Variants in GRIN2D observed in about 807,000 individuals in gnomAD.
GRIN2D encodes glutamate ionotropic receptor NMDA type subunit 2D, also known as glutamate receptor ionotropic, NMDA 2D.
A neutral mutation model predicts 103.2 loss-of-function variants in GRIN2D; 37 were observed. The observed-to-expected ratio is 0.36, with a 90% CI of 0.28 to 0.47. The LOEUF is 0.47. Among genes scored for constraint, GRIN2D ranks in the 20% least tolerant of loss-of-function variants. GRIN2D has a pLI of 1.00. For missense variants in GRIN2D, 1,557 were observed against 1,910.6 expected (o/e 0.81, Z 3.45); for synonymous variants, 845 against 885.6 (o/e 0.95, Z 0.81).
intron 4 of GRIN2D, among the ~76,000 whole-genome samples, chr19:48,409,933 C>T (rs767054106): frequency 1.5e-4 from 23 of 151,018 alleles, no homozygotes; most frequent in African/African-American, 5.4e-4. Context: ...TACAGGTGCC[C>T]GCCACCATGC....
At chr19:48,411,563 C>G (rs1296245654) in intron 4 of GRIN2D, among the ~76,000 whole-genome samples, 1 of 151,738 alleles carries the variant, frequency 6.6e-6, no homozygotes, top group African/African-American at 2.4e-5. Context: ...GCAGGAGAAT[C>G]GCTTGGACCT....
At chr19:48,399,864 C>T (rs975734186) in intron 3 of GRIN2D, among the ~76,000 whole-genome samples, 2 of 19,582 alleles carry the variant, frequency 1.0e-4, no homozygotes, top group African/African-American at 2.1e-4. Flanking sequence ...GAAAAGGGGG[C>T]GGGGCTAGCC....
In GRIN2D at chr19:48,421,465, A is replaced by G. The variant is rs1196094004; in HGVS notation, c.2092-320A>G. ...GTGAACTATTTCTGAACGGATTGGT[A>G]AATAGCAACAGCTCCCAGCTCCTGC... On this transcript the variant is annotated intron_variant, in intron 10 of 13. Transcript: ENST00000263269. This position sits in a 1 kb window ranked among gnomAD's most constrained non-coding sequence, Gnocchi z 4.8. Among the ~76,000 whole-genome samples the G allele has an allele frequency of 6.6e-6, 1 of 151,810 alleles. No individual in the cohort carries two copies. The highest frequency in any genetic ancestry group is 2.4e-5 in the African/African-American group (1 of 41,268).
intron 3 of GRIN2D, among the ~76,000 whole-genome samples, chr19:48,402,407 C>T (rs959536454): frequency 6.6e-6 from 1 of 151,906 alleles, no homozygotes; most frequent in Admixed American, 6.6e-5. Context: ...AAGGCAGCTG[C>T]TCTTTATTCC....
Position 48,394,422 on chromosome 19 carries a change from CCAGA to C in GRIN2D, c.-305-227_-305-224del, listed in dbSNP as rs1158718308. Among the ~76,000 whole-genome samples, 4 of 144,130 alleles carry C rather than the reference CCAGA, an allele frequency of 2.8e-5. No homozygotes were observed. Among genetic ancestry groups the C allele is most frequent in the Non-Finnish European group, 4.5e-5 (3 of 67,004 alleles). 94.6% of individuals were successfully genotyped at this position (144,130 alleles called of 152,430 possible). A position where few individuals can be genotyped will look rare whatever the true frequency, so the allele number is the denominator to read the frequency against. On this transcript the variant is annotated intron_variant, in intron 1 of 13. Coordinates refer to ENST00000263269, the MANE Select transcript of GRIN2D (RefSeq NM_000836.4). The surrounding 1 kb of genome is among the most constrained non-coding windows in gnomAD (Gnocchi z 5.1). ...ACCAGCCACTAGCTTCAGAGGTGAC[CCAGA>C]CAGACAGATAGACACAGACGCTGGA... is the stretch of plus-strand genomic sequence containing the variant.
chr19:48,397,445 T>C (rs573838280), intron 2 of GRIN2D, among the ~76,000 whole-genome samples: 5 of 152,074 alleles, frequency 3.3e-5, no homozygotes, highest in Non-Finnish European at 5.9e-5. Context: ...TTGGCCTTGC[T>C]TCGCTATTTC....
chr19:48,436,648 G>A (rs1450972491), intron 11 of GRIN2D, among the ~76,000 whole-genome samples: 2 of 152,212 alleles, frequency 1.3e-5, no homozygotes, highest in Non-Finnish European at 2.9e-5. Flanking sequence ...TTTGGCCTAT[G>A]CCCAGGAATA....
intron 3 of GRIN2D, among the ~76,000 whole-genome samples, chr19:48,404,065 A>C (rs911310438): frequency 2.0e-5 from 3 of 151,996 alleles, no homozygotes; most frequent in African/African-American, 7.3e-5. Flanking sequence ...CATGGAGAAA[A>C]CCCGTCTCTA....
intron 11 of GRIN2D, among the ~76,000 whole-genome samples, chr19:48,433,461 GA>G (rs1430150702): frequency 2.4e-4 from 37 of 152,348 alleles, no homozygotes; most frequent in Non-Finnish European, 3.8e-4. Flanking sequence ...GACAGCACTA[GA>G]AAATTCCATC....
At position 48,415,094 on chromosome 19, in the gene GRIN2D, G is replaced by A. The variant is rs1465882529; in HGVS notation, c.1581+62G>A. On this transcript the variant is annotated intron_variant, in intron 7 of 13. Coordinates refer to ENST00000263269, the MANE Select transcript of GRIN2D (RefSeq NM_000836.4). ...CGGAGTCGAGAGGCGGGCACAGCCG[G>A]GCGTGGTGGCTCACGCCTGTAATCC... 1.1e-5 allele frequency: 16 copies of A among 1,428,724 alleles called. No individual in the cohort carries two copies. The South Asian group carries it at 1.7e-4, about 15-fold the overall frequency. The allele number at this position is 1,428,724 out of a possible 1,614,324, so 88.5% of individuals were successfully genotyped here. A position where few individuals can be genotyped will look rare whatever the true frequency, so the allele number is the denominator to read the frequency against.
At chr19:48,418,677 G>A (rs1057072797) in intron 8 of GRIN2D, among the ~76,000 whole-genome samples, 1 of 152,092 alleles carries the variant, frequency 6.6e-6, no homozygotes, top group Non-Finnish European at 1.5e-5. Flanking sequence ...AGGGAGGAAG[G>A]GAGGACGGCA....
intron 11 of GRIN2D, among the ~76,000 whole-genome samples, chr19:48,440,427 T>C (rs1971277742): frequency 6.6e-6 from 1 of 151,990 alleles, no homozygotes; most frequent in East Asian, 2.0e-4. Context: ...ACCCTGTCTC[T>C]ACAAAAAATA....
rs370949152 is a variant in GRIN2D, at chr19:48,398,930, C to A, written c.465+73C>A. 2.6e-5 allele frequency: 31 copies of A among 1,214,502 alleles called. No homozygotes were observed. In the African/African-American group the frequency reaches 4.7e-4, roughly 18 times the overall value. 75.2% of individuals were successfully genotyped at this position (1,214,502 alleles called of 1,614,324 possible). On this transcript the variant is annotated intron_variant, in intron 3 of 13. Transcript: ENST00000263269. Reference sequence around the variant, plus strand: ...CCGCTGAGGGGCGGGACTGGGACAGCCAGCGGGGGCGGGGCCTAGAGGGGG... The same window carrying A: ...CCGCTGAGGGGCGGGACTGGGACAGACAGCGGGGGCGGGGCCTAGAGGGGG...
Position 48,421,934 on chromosome 19 carries a change from G to C in GRIN2D, c.2241G>C (p.Gln747His), listed in dbSNP as rs1359919495. The C allele has an allele frequency of 6.2e-7, 1 of 1,614,038 alleles. No homozygotes were observed. The highest frequency in any genetic ancestry group is 8.5e-7 in the Non-Finnish European group (1 of 1,179,922). ...CCCGCGTAGAGGAAGCGCTCACTCA[G>C]CTCAAGGCAGGGTCAGCGCAGACTC... ...NQPRVEEALT[Q>H]LKAGKLDAFI... The change falls in exon 11 of 14, where the codon CAG becomes CAC. Residue 747 changes from glutamine (Q) to histidine (H), a missense_variant. By Grantham distance (24) the Gln-to-His change is conservative. Around this residue, in one of 7 missense-constraint regions of GRIN2D, gnomAD observed 138 missense variants for 270.2 expected, o/e 0.51. Coordinates refer to ENST00000263269, the MANE Select transcript of GRIN2D (RefSeq NM_000836.4). This position sits in a 1 kb window ranked among gnomAD's most constrained non-coding sequence, Gnocchi z 4.8.
Position 48,405,352 on chromosome 19 carries a change from AG to A in GRIN2D, c.1085+1del. On this transcript the variant is annotated frameshift_variant and splice_region_variant, in exon 4 of 14. Coordinates refer to ENST00000263269, the MANE Select transcript of GRIN2D (RefSeq NM_000836.4). LOFTEE classifies it high-confidence loss of function. This position sits in a 1 kb window ranked among gnomAD's most constrained non-coding sequence, Gnocchi z 5.1. ...NRTHRGESLH[R>X]YFMNITWDNR... ...CACCCACCGCGGCGAGAGTCTGCAT[AG>A]GTGAGTGGGGCTGGAATGGGAGGGG... is the stretch of plus-strand genomic sequence containing the variant. 6.4e-7 allele frequency: 1 copy of A among 1,566,256 alleles called. No individual in the cohort carries two copies. Among genetic ancestry groups the A allele is most frequent in the Non-Finnish European group, 8.6e-7 (1 of 1,156,448 alleles).
chr19:48,438,287 CTTTTTTTTTTTTT>C (rs71181697), intron 11 of GRIN2D, among the ~76,000 whole-genome samples: 2 of 57,726 alleles, frequency 3.5e-5, no homozygotes, highest in Non-Finnish European at 5.9e-5. Context: ...ATCCAGCCGC[CTTTTTTTTTTTTT>C]TTTTTTTTTT....
At chr19:48,412,449 G>GA (rs1222052307) in intron 4 of GRIN2D, among the ~76,000 whole-genome samples, 11 of 149,376 alleles carry the variant, frequency 7.4e-5, no homozygotes, top group Middle Eastern at 3.5e-3. Context: ...AAGAAAGAAA[G>GA]AAAGAAAGAA....
chr19:48,426,413 A>G (rs938901175), intron 11 of GRIN2D, among the ~76,000 whole-genome samples: 2 of 151,296 alleles, frequency 1.3e-5, no homozygotes, highest in East Asian at 3.9e-4. Flanking sequence ...TTTAGTAGAG[A>G]TGGGGTTTCA....
At chr19:48,440,648 T>C (rs1357457763) in intron 11 of GRIN2D, among the ~76,000 whole-genome samples, 1 of 91,130 alleles carries the variant, frequency 1.1e-5, no homozygotes, top group African/African-American at 3.8e-5. Flanking sequence ...TGGCACAATA[T>C]AACTGATCAT....
Sources: allele counts gnomAD v4.1 joint callset (sites outside exome capture counted in the v4.1 genomes callset), GRCh38; gene constraint gnomAD v4.1.1; regional missense constraint gnomAD v4.1.1; non-coding constraint Gnocchi (gnomAD v3.1); transcripts MANE v1.5; gene names NCBI Gene and HGNC (gene_info 2026-07-23, HGNC 2026-07-21).